Variants in DSCAML1 observed in about 807,000 individuals in gnomAD.
DSCAML1 encodes the protein DS cell adhesion molecule like 1.
DSCAML1 carries 38 observed loss-of-function variants against 200.5 expected under a neutral mutation model. The observed-to-expected ratio is 0.19, with a 90% CI of 0.15 to 0.25. The LOEUF (loss-of-function observed/expected upper bound fraction) is 0.25, where lower values mean the gene tolerates loss of function less well. Ranked by LOEUF, DSCAML1 falls within the 10% of genes least tolerant of loss-of-function variation. The pLI is 1.00. For missense variants in DSCAML1, 2,223 were observed against 2,858.8 expected, an observed-to-expected ratio of 0.78 and a Z score of 5.07; for synonymous variants, 1,215 against 1,165.0, an observed-to-expected ratio of 1.04 and a Z score of -0.87.
intron 3 of DSCAML1, among the ~76,000 whole-genome samples, chr11:117,545,704 T>G (rs145213423): frequency 1.2e-4 from 19 of 152,128 alleles, no homozygotes; most frequent in Non-Finnish European, 2.6e-4. Context: ...GGCCAGGAGC[T>G]GAGGGGAGGC....
chr11:117,756,015 C>T (rs1332357781), intron 3 of DSCAML1, among the ~76,000 whole-genome samples: 1 of 152,248 alleles, frequency 6.6e-6, no homozygotes, highest in African/African-American at 2.4e-5. Context: ...CATGAGTTTT[C>T]TTATGATTAA....
chr11:117,731,416 T>C (rs1382331936), intron 3 of DSCAML1, among the ~76,000 whole-genome samples: 1 of 152,234 alleles, frequency 6.6e-6, no homozygotes, highest in Non-Finnish European at 1.5e-5. Flanking sequence ...TGTATGTCAC[T>C]GTTCCAGCCT....
rs549924761 is a variant in DSCAML1, at chr11:117,513,010, GTTA to G, written c.1783+3454_1783+3456del. On this transcript the variant is annotated intron_variant, in intron 8 of 32. Coordinates refer to ENST00000651296, the MANE Select transcript of DSCAML1 (RefSeq NM_020693.4). ...GAGTCCTCTGAGGCCCGCTGCACCC[GTTA>G]TTATTTTTTTTAAGCCAACAAACCC... Among the ~76,000 whole-genome samples, 99 of 152,282 alleles carry G rather than the reference GTTA, an allele frequency of 6.5e-4. 1 individual carries two copies. The highest frequency in any genetic ancestry group is 2.4e-3 in the African/African-American group (99 of 41,550).
At chr11:117,672,754 G>A (rs1241842330) in intron 3 of DSCAML1, among the ~76,000 whole-genome samples, 3 of 152,192 alleles carry the variant, frequency 2.0e-5, no homozygotes, top group Non-Finnish European at 2.9e-5. Context: ...GTATCACCAT[G>A]AGCCCAGCAT....
chr11:117,790,698 C>T (rs1326909331), intron 1 of DSCAML1, among the ~76,000 whole-genome samples: 1 of 152,182 alleles, frequency 6.6e-6, no homozygotes, highest in Non-Finnish European at 1.5e-5. Context: ...CTTATTTATG[C>T]ACATATACAG....
At chr11:117,456,671 C>CTTTTTTTTTTTTT (rs10661996) in intron 19 of DSCAML1, among the ~76,000 whole-genome samples, 1 of 142,138 alleles carries the variant, frequency 7.0e-6, no homozygotes, top group Non-Finnish European at 1.5e-5. Flanking sequence ...GCAGTCATTT[C>CTTTTTTTTTTTTT]TTTTTTTTTT....
chr11:117,669,144 C>T (rs367793838), intron 3 of DSCAML1, among the ~76,000 whole-genome samples: 8 of 152,322 alleles, frequency 5.3e-5, no homozygotes, highest in East Asian at 1.9e-4. Flanking sequence ...GCAAATCCGA[C>T]AATTACAGTC....
chr11:117,442,246 A>G (rs10892105), intron 21 of DSCAML1, among the ~76,000 whole-genome samples: 30,782 of 149,764 alleles, frequency 0.21, 4,312 homozygotes, highest in East Asian at 0.59. Context: ...GTGTGTATGC[A>G]TGTGCATATG....
chr11:117,469,820 G>A lies in DSCAML1; in HGVS notation c.3024+90C>T. 8.1e-7 allele frequency: 1 copy of A among 1,235,468 alleles called. No homozygotes were observed. Among genetic ancestry groups the A allele is most frequent in the Middle Eastern group, 2.0e-4 (1 of 4,944 alleles). The allele number at this position is 1,235,468 out of a possible 1,614,324, so 76.5% of individuals were successfully genotyped here. On this transcript the variant is annotated intron_variant, in intron 16 of 32. Coordinates refer to ENST00000651296, the MANE Select transcript of DSCAML1 (RefSeq NM_020693.4). The surrounding 1 kb of genome is among the most constrained non-coding windows in gnomAD (Gnocchi z 4.1). ...GACATGGGCATCATATAAGACTAGAGACTAGCAAGCCTGCTGGGAGCTTTC... is the reference window on the plus strand; with the variant it reads ...GACATGGGCATCATATAAGACTAGAAACTAGCAAGCCTGCTGGGAGCTTTC...
intron 1 of DSCAML1, among the ~76,000 whole-genome samples, chr11:117,803,517 A>C (rs558658589): frequency 1.8e-4 from 28 of 152,268 alleles, no homozygotes; most frequent in African/African-American, 6.7e-4. Context: ...TTTGATTATT[A>C]ATATATTAAT....
At chr11:117,691,004 T>G (rs1388015323) in intron 3 of DSCAML1, among the ~76,000 whole-genome samples, 2 of 152,178 alleles carry the variant, frequency 1.3e-5, no homozygotes, top group Non-Finnish European at 2.9e-5. Context: ...ACACATGCGT[T>G]TGGCCCTTCG....
chr11:117,736,643 T>A (rs1368721138), intron 3 of DSCAML1, among the ~76,000 whole-genome samples: 1 of 152,120 alleles, frequency 6.6e-6, no homozygotes, highest in Non-Finnish European at 1.5e-5. Context: ...TGCCAGTAGC[T>A]CCCACCAGTC....
At chr11:117,543,435 G>GTGTGTACCTGCACTGGCA (rs1565778127) in intron 3 of DSCAML1, among the ~76,000 whole-genome samples, 1 of 152,214 alleles carries the variant, frequency 6.6e-6, no homozygotes, top group African/African-American at 2.4e-5. Context: ...CTGTGCTGGT[G>GTGTGTACCTGCACTGGCA]TGTGTACCTG....
intron 3 of DSCAML1, among the ~76,000 whole-genome samples, chr11:117,707,287 A>G (rs921405321): frequency 4.6e-5 from 7 of 152,228 alleles, no homozygotes; most frequent in African/African-American, 1.7e-4. Context: ...ACCTTCTGGA[A>G]GCCAGAAATA....
At chr11:117,513,577 C>G (rs1391535265) in intron 8 of DSCAML1, among the ~76,000 whole-genome samples, 1 of 151,998 alleles carries the variant, frequency 6.6e-6, no homozygotes, top group African/African-American at 2.4e-5. Context: ...CCCATCTCTA[C>G]TAAAAATACA....
At chr11:117,645,865 C>T (rs888556276) in intron 3 of DSCAML1, among the ~76,000 whole-genome samples, 1 of 151,498 alleles carries the variant, frequency 6.6e-6, no homozygotes, top group Non-Finnish European at 1.5e-5. Flanking sequence ...CTAACCTGTA[C>T]ATTGTGCACA....
intron 14 of DSCAML1, among the ~76,000 whole-genome samples, chr11:117,475,303 A>G (rs1479876949): frequency 6.6e-6 from 1 of 152,164 alleles, no homozygotes; most frequent in East Asian, 1.9e-4. Context: ...TTCTCAAAAC[A>G]CAAATCTGAT....
At chr11:117,595,929 G>A (rs1478797621) in intron 3 of DSCAML1, among the ~76,000 whole-genome samples, 1 of 152,198 alleles carries the variant, frequency 6.6e-6, no homozygotes, top group African/African-American at 2.4e-5. Context: ...CATGTCTTAA[G>A]CTCCAAGACA....
At chr11:117,560,109 G>T (rs913847844) in intron 3 of DSCAML1, among the ~76,000 whole-genome samples, 3 of 152,176 alleles carry the variant, frequency 2.0e-5, no homozygotes, top group Admixed American at 6.5e-5. Context: ...TGAAAGAAAG[G>T]GGGGGCCACT....
Sources: allele counts gnomAD v4.1 joint callset (sites outside exome capture counted in the v4.1 genomes callset), GRCh38; gene constraint gnomAD v4.1.1; non-coding constraint Gnocchi (gnomAD v3.1); transcripts MANE v1.5; gene names NCBI Gene and HGNC (gene_info 2026-07-23, HGNC 2026-07-21).